The following XKR6 variants were observed in gnomAD, a reference collection of about 807,000 sequenced individuals.
XKR6 encodes the protein XK related 6, also known as XK-related protein 6.
In XKR6, 22 loss-of-function variants were observed where a neutral mutation model predicts 56.7. The ratio of observed to expected loss-of-function variants is 0.39; its 90% CI spans 0.28 to 0.55. The LOEUF (loss-of-function observed/expected upper bound fraction) is 0.55, where lower values mean the gene tolerates loss of function less well. Among genes scored for constraint, XKR6 ranks in the 20% least tolerant of loss-of-function variants. The probability of loss-of-function intolerance (pLI) is 0.66; values close to 1 mark genes in which losing one functional copy is unlikely to be tolerated. For missense variants in XKR6, 852 were observed against 889.0 expected (o/e 0.96, Z 0.53); for synonymous variants, 524 against 387.8 (o/e 1.35, Z -4.13).
chr8:11,101,550 A>C (rs1383283806), intron 1 of XKR6, among the ~76,000 whole-genome samples: 1 of 152,210 alleles, frequency 6.6e-6, no homozygotes, highest in Non-Finnish European at 1.5e-5. Context: ...GGAAGACAGG[A>C]AATTTTTACT....
At chr8:11,027,248 T>C (rs1051307928) in intron 1 of XKR6, among the ~76,000 whole-genome samples, 10 of 152,372 alleles carry the variant, frequency 6.6e-5, no homozygotes, top group African/African-American at 2.4e-4. Flanking sequence ...TATCATCTTA[T>C]GGGACCATCC....
chr8:11,106,814 G>A (rs1331252268), intron 1 of XKR6: 1 of 133,992 alleles, frequency 7.5e-6, no homozygotes, highest in Non-Finnish European at 1.5e-5. Flanking sequence ...CATGCCACTT[G>A]TACTCCAGCC....
At chr8:11,036,719 G>A (rs995307216) in intron 1 of XKR6, among the ~76,000 whole-genome samples, 6 of 152,216 alleles carry the variant, frequency 3.9e-5, no homozygotes, top group South Asian at 2.1e-4. Context: ...TTATGTTGAC[G>A]TAACTGTGTT....
At position 10,967,394 on chromosome 8, in the gene XKR6, A is replaced by T. The variant is rs369474231; in HGVS notation, c.765-42564T>A. Among the ~76,000 whole-genome samples, 7 of 152,164 alleles carry T rather than the reference A, an allele frequency of 4.6e-5. No individual in the cohort carries two copies. In the East Asian group the frequency reaches 7.7e-4, roughly 17 times the overall value. ...CAGTGCCCTCTCTCTAGCCCTTCTT[A>T]ACTGCCTGGCCCCTGGGTCTGATGT... On this transcript the variant is annotated intron_variant, in intron 1 of 2. Coordinates refer to ENST00000416569, the MANE Select transcript of XKR6 (RefSeq NM_173683.4).
At chr8:11,144,396 G>A (rs59757809) in intron 1 of XKR6, among the ~76,000 whole-genome samples, 9,489 of 151,030 alleles carry the variant, frequency 0.063, 714 homozygotes, top group African/African-American at 0.18. Flanking sequence ...ATTTGAGAAA[G>A]TGGAAAGGAG....
chr8:11,023,870 G>C (rs1798800961), intron 1 of XKR6, among the ~76,000 whole-genome samples: 1 of 152,182 alleles, frequency 6.6e-6, no homozygotes, highest in African/African-American at 2.4e-5. Flanking sequence ...TCCTTCTCCA[G>C]CTAGGTGGAT....
At chr8:10,902,161 G>A (rs151228686) in intron 2 of XKR6, among the ~76,000 whole-genome samples, 1 of 152,336 alleles carries the variant, frequency 6.6e-6, no homozygotes, top group East Asian at 1.9e-4. Flanking sequence ...ACATTCCTCA[G>A]TGTTGCAAGA....
intron 1 of XKR6, among the ~76,000 whole-genome samples, chr8:10,990,143 T>C (rs1181553216): frequency 6.6e-6 from 1 of 152,264 alleles, no homozygotes; most frequent in Admixed American, 6.5e-5. Context: ...ACAAAAACTT[T>C]TGTGACAGTC....
Position 11,038,973 on chromosome 8 carries a change from C to T in XKR6, c.765-114143G>A, listed in dbSNP as rs115014544. On this transcript the variant is annotated intron_variant, in intron 1 of 2. Transcript: ENST00000416569. ...CCCACTAGGGCTGCTTACCGCCCAACTCAGTTGTCGACGCCACCCCCAGCT... is the reference window on the plus strand; with the variant it reads ...CCCACTAGGGCTGCTTACCGCCCAATTCAGTTGTCGACGCCACCCCCAGCT... Among the ~76,000 whole-genome samples, 407 of 152,340 alleles carry T rather than the reference C, an allele frequency of 2.7e-3. 4 individuals are homozygous for T. The highest frequency in any genetic ancestry group is 9.4e-3 in the African/African-American group (391 of 41,586).
chr8:11,071,634 G>A (rs1398204587), intron 1 of XKR6, among the ~76,000 whole-genome samples: 3 of 147,246 alleles, frequency 2.0e-5, no homozygotes, highest in Non-Finnish European at 4.5e-5. Context: ...CCGAGTCCAT[G>A]AGCCCCGAGT....
chr8:11,063,516 CA>C (rs35995429), intron 1 of XKR6, among the ~76,000 whole-genome samples: 31,060 of 120,598 alleles, frequency 0.26, 3,428 homozygotes, highest in Non-Finnish European at 0.32. Context: ...GGCCCTGTCT[CA>C]AAAAAAAAAA....
At chr8:11,082,243 C>A (rs1219209229) in intron 1 of XKR6, among the ~76,000 whole-genome samples, 1 of 152,218 alleles carries the variant, frequency 6.6e-6, no homozygotes, top group African/African-American at 2.4e-5. Context: ...CCACTCTTTA[C>A]CATCTTGCTA....
At chr8:11,052,174 G>T (rs1424901137) in intron 1 of XKR6, among the ~76,000 whole-genome samples, 1 of 152,078 alleles carries the variant, frequency 6.6e-6, no homozygotes, top group South Asian at 2.1e-4. Context: ...CCCACCCCAG[G>T]GGAGCTGCGC....
chr8:11,107,639 G>A (rs191879905), intron 1 of XKR6: 1 of 152,486 alleles, frequency 6.6e-6, no homozygotes, highest in Non-Finnish European at 1.5e-5. Flanking sequence ...GAAACAGTGA[G>A]GCACATGTTG....
In XKR6 at chr8:10,975,140, G is replaced by T. The variant is rs1003766239; in HGVS notation, c.765-50310C>A. Among the ~76,000 whole-genome samples, 6 of 152,098 alleles carry T rather than the reference G, an allele frequency of 3.9e-5. No homozygotes were observed. The East Asian group carries it at 1.2e-3, about 29-fold the overall frequency. ...GCCCTGATGCTCCCAGTACTTGCAGGACCCAGACAAAGCTCTGGCAGTTGT... is the reference window on the plus strand; with the variant it reads ...GCCCTGATGCTCCCAGTACTTGCAGTACCCAGACAAAGCTCTGGCAGTTGT... On this transcript the variant is annotated intron_variant, in intron 1 of 2. Coordinates refer to ENST00000416569, the MANE Select transcript of XKR6 (RefSeq NM_173683.4).
At chr8:10,927,318 C>T (rs948846943) in intron 1 of XKR6, among the ~76,000 whole-genome samples, 3 of 152,136 alleles carry the variant, frequency 2.0e-5, no homozygotes, top group Non-Finnish European at 4.4e-5. Flanking sequence ...AGTGGAGCCT[C>T]AGTGCCGTGT....
chr8:11,063,330 A>T (rs1799888210), intron 1 of XKR6, among the ~76,000 whole-genome samples: 1 of 151,990 alleles, frequency 6.6e-6, no homozygotes, highest in South Asian at 2.1e-4. Flanking sequence ...TAAAAAAAAA[A>T]AAATCCCACA....
At chr8:11,187,643 G>C (rs931198724) in intron 1 of XKR6, among the ~76,000 whole-genome samples, 2 of 152,094 alleles carry the variant, frequency 1.3e-5, no homozygotes, top group Non-Finnish European at 2.9e-5. Flanking sequence ...ACAACCCTAA[G>C]AAAAATCAGT....
chr8:11,069,591 G>A (rs994703270), intron 1 of XKR6, among the ~76,000 whole-genome samples: 1 of 152,026 alleles, frequency 6.6e-6, no homozygotes, highest in East Asian at 1.9e-4. Context: ...CTGCCCCCAA[G>A]CTGAGCATAA....
Sources: allele counts gnomAD v4.1 joint callset (sites outside exome capture counted in the v4.1 genomes callset), GRCh38; gene constraint gnomAD v4.1.1; transcripts MANE v1.5; gene names NCBI Gene and HGNC (gene_info 2026-07-23, HGNC 2026-07-21).